Variants in LRRC49 observed in about 807,000 individuals in gnomAD.
LRRC49 encodes the protein leucine rich repeat containing 49.
LRRC49 carries 50 observed loss-of-function variants against 83.3 expected under a neutral mutation model. The observed-to-expected ratio is 0.60, with a 90% CI of 0.48 to 0.76. The LOEUF is 0.76. LRRC49 is among the 30% of genes least tolerant of loss of function. The pLI, the probability that LRRC49 is intolerant of heterozygous loss-of-function variation, is 0.00. For missense variants in LRRC49, 704 were observed against 809.1 expected (o/e 0.87, Z 1.58); for synonymous variants, 286 against 283.3 (o/e 1.01, Z -0.10).
chr15:71,033,273 G>A (rs1431358226), intron 14 of LRRC49, among the ~76,000 whole-genome samples: 2 of 152,132 alleles, frequency 1.3e-5, no homozygotes, highest in Non-Finnish European at 2.9e-5. Flanking sequence ...TTGCTACAAA[G>A]AGAATAAAAT....
At chr15:70,882,509 C>T (rs754759822) in intron 2 of LRRC49, 2 of 1,613,928 alleles carry the variant, frequency 1.2e-6, no homozygotes, top group South Asian at 1.1e-5. Flanking sequence ...ACTCTGTTCA[C>T]TCTTGATATC....
At chr15:70,975,668 G>A (rs1176892447) in intron 9 of LRRC49, among the ~76,000 whole-genome samples, 2 of 152,096 alleles carry the variant, frequency 1.3e-5, no homozygotes, top group Non-Finnish European at 2.9e-5. Flanking sequence ...ACTCAAGCCT[G>A]GGGGACAGAA....
intron 13 of LRRC49, among the ~76,000 whole-genome samples, chr15:71,012,507 A>T (rs1177447279): frequency 1.3e-5 from 2 of 152,102 alleles, no homozygotes; most frequent in African/African-American, 2.4e-5. Flanking sequence ...TGAAAAAAAA[A>T]AATACTAAAA....
At position 70,927,617 on chromosome 15, in the gene LRRC49, A is replaced by G. The variant is rs117662967; in HGVS notation, c.711+8424A>G. The stretch of plus-strand genomic sequence containing the variant: ...AGAAGGTTTATAGTTTTACCTTTCT[A>G]TTTAGATATGTGATTCATTTTTATT... On this transcript the variant is annotated intron_variant, in intron 7 of 15. Transcript: ENST00000260382. 4.6e-3 allele frequency among the ~76,000 whole-genome samples: 700 copies of G among 152,174 alleles called. 7 individuals are homozygous for G. The highest frequency in any genetic ancestry group is 0.024 in the Middle Eastern group (7 of 294).
chr15:70,967,793 G>A (rs935776330), intron 9 of LRRC49, among the ~76,000 whole-genome samples: 26 of 152,080 alleles, frequency 1.7e-4, no homozygotes, highest in Admixed American at 6.6e-5. Context: ...TTCTGTTCCA[G>A]GAGAATGTTA....
Position 70,936,842 on chromosome 15 carries a change from T to A in LRRC49, c.773+20T>A, listed in dbSNP as rs763581740. ...ATCTAGGTAAGTGGAAACTCCCAAGTTGTCATTCATTATAACTTGATTGTG... is the reference window on the plus strand; with the variant it reads ...ATCTAGGTAAGTGGAAACTCCCAAGATGTCATTCATTATAACTTGATTGTG... On this transcript the variant is annotated intron_variant, in intron 8 of 15. Coordinates refer to ENST00000260382, the MANE Select transcript of LRRC49 (RefSeq NM_017691.5). 1 of 1,530,138 alleles carries A rather than the reference T, an allele frequency of 6.5e-7. No individual in the cohort carries two copies. The highest frequency in any genetic ancestry group is 9.1e-7 in the Non-Finnish European group (1 of 1,104,644). The allele number at this position is 1,530,138 out of a possible 1,614,324, so 94.8% of individuals were successfully genotyped here. A position where few individuals can be genotyped will look rare whatever the true frequency, so the allele number is the denominator to read the frequency against.
At chr15:70,904,792 A>ACAAAATTAAT in intron 5 of LRRC49, 37 bp downstream of exon 5, 1 of 1,449,126 alleles carries the variant, frequency 6.9e-7, no homozygotes, top group Non-Finnish European at 9.6e-7. Context: ...GCCTAATGTT[A>ACAAAATTAAT]TGTGTAGGAT....
At chr15:70,889,348 T>C (rs2033492338), upstream of LRRC49, among the ~76,000 whole-genome samples, 1 of 151,672 alleles carries the variant, frequency 6.6e-6, no homozygotes, top group Non-Finnish European at 1.5e-5. Flanking sequence ...ATGATTTGAT[T>C]TATATGAAAT....
chr15:71,047,922 A>G (rs1318506710), intron 15 of LRRC49, among the ~76,000 whole-genome samples: 3 of 151,864 alleles, frequency 2.0e-5, no homozygotes, highest in Non-Finnish European at 4.4e-5. Context: ...GACTACAGGC[A>G]TGTGCCACAA....
At chr15:71,007,737 ATATAG>A (rs2038509794) in intron 11 of LRRC49, among the ~76,000 whole-genome samples, 1 of 109,022 alleles carries the variant, frequency 9.2e-6, no homozygotes, top group Non-Finnish European at 2.0e-5. Flanking sequence ...ATATATATAT[ATATAG>A]TGTGTATATA....
At chr15:70,985,518 T>A (rs2037575070) in intron 11 of LRRC49, among the ~76,000 whole-genome samples, 1 of 152,218 alleles carries the variant, frequency 6.6e-6, no homozygotes, top group South Asian at 2.1e-4. Context: ...CATTGTCGAT[T>A]CTGGATATTA....
At chr15:70,948,127 T>C (rs528691478) in intron 8 of LRRC49, among the ~76,000 whole-genome samples, 1 of 152,236 alleles carries the variant, frequency 6.6e-6, no homozygotes, top group Admixed American at 6.5e-5. Flanking sequence ...CACGTGTGTG[T>C]TCGTGTGTGT....
At chr15:70,936,918 T>C in intron 8 of LRRC49, 96 bp downstream of exon 8, 1 of 764,072 alleles carries the variant, frequency 1.3e-6, no homozygotes, top group Non-Finnish European at 2.2e-6. Flanking sequence ...AGAATTTTAC[T>C]AGCATGGAAG....
In LRRC49 at chr15:70,984,244, C is replaced by A; in HGVS notation, c.1156C>A (p.Pro386Thr). The change falls in exon 11 of 16, where the codon CCA (proline) becomes ACA (threonine). Residue 386 changes from proline to threonine, a missense_variant. Physicochemically the swap from Pro to Thr is conservative, Grantham distance 38. Around this residue, in one of 3 missense-constraint regions of LRRC49, gnomAD observed 168 missense variants for 140.6 expected, o/e 1.20. Transcript: ENST00000260382. The part of the protein sequence containing the change: ...QIDGSTLSAF[P>T]EETGPLDSGL... ...TGATGGAAGCACCCTCTCTGCATTC[C>A]CAGAGGAAACAGGGTATGCAATGGT... 8.7e-6 allele frequency: 14 copies of A among 1,610,922 alleles called. No homozygotes were observed. The South Asian group carries it at 1.5e-4, about 18-fold the overall frequency.
intron 1 of LRRC49, among the ~76,000 whole-genome samples, chr15:70,863,935 T>C (rs2032855497): frequency 6.6e-6 from 1 of 152,216 alleles, no homozygotes. Context: ...ATCTCACAGC[T>C]TTGGCACCTT....
At chr15:70,939,468 A>G (rs1435425033) in intron 8 of LRRC49, among the ~76,000 whole-genome samples, 1 of 152,202 alleles carries the variant, frequency 6.6e-6, no homozygotes, top group Non-Finnish European at 1.5e-5. Flanking sequence ...CCATAAGCAA[A>G]TCAAAGTTCT....
chr15:70,884,051 G>A (rs1387130587), intron 2 of LRRC49, among the ~76,000 whole-genome samples: 1 of 152,166 alleles, frequency 6.6e-6, no homozygotes, highest in Non-Finnish European at 1.5e-5. Context: ...GGTACCTAGA[G>A]ATTATGTGGA....
intron 2 of LRRC49, among the ~76,000 whole-genome samples, chr15:70,887,037 A>G (rs1273561082): frequency 6.6e-6 from 1 of 152,234 alleles, no homozygotes; most frequent in Non-Finnish European, 1.5e-5. Flanking sequence ...AAAAAATACT[A>G]TTAATCAAAA....
exon 2 of LRRC49, chr15:70,873,022 T>A (rs2033083023): frequency 1.7e-6 from 1 of 595,480 alleles, no homozygotes; most frequent in African/African-American, 1.8e-5. Context: ...GTAGCTGGGA[T>A]TATAGGTGCC....
Sources: allele counts gnomAD v4.1 joint callset (sites outside exome capture counted in the v4.1 genomes callset), GRCh38; gene constraint gnomAD v4.1.1; regional missense constraint gnomAD v4.1.1; transcripts MANE v1.5; gene names NCBI Gene and HGNC (gene_info 2026-07-23, HGNC 2026-07-21).